CCBE1: variants seen among roughly 807,000 people sequenced by gnomAD.
CCBE1 encodes collagen and calcium binding EGF domains 1.
Under a neutral mutation model 50.0 loss-of-function variants are expected in CCBE1, and 37 were observed. The ratio of observed to expected loss-of-function variants is 0.74; its 90% CI spans 0.57 to 0.97. The LOEUF is 0.97. Ranked by LOEUF, CCBE1 falls within the 50% of genes least tolerant of loss-of-function variation. The pLI is 0.00. For synonymous variants in CCBE1, 234 were observed against 203.7 expected, an observed-to-expected ratio of 1.15 and a Z score of -1.27; for missense variants, 538 against 523.8, an observed-to-expected ratio of 1.03 and a Z score of -0.26.
At chr18:59,553,620 A>G (rs927892058) in intron 2 of CCBE1, among the ~76,000 whole-genome samples, 3 of 152,248 alleles carry the variant, frequency 2.0e-5, no homozygotes, top group African/African-American at 7.2e-5. Context: ...GAAGTTTTGT[A>G]CATGATCCAG....
intron 2 of CCBE1, among the ~76,000 whole-genome samples, chr18:59,646,221 G>A (rs1054866417): frequency 3.3e-5 from 5 of 152,134 alleles, no homozygotes; most frequent in Non-Finnish European, 7.4e-5. Context: ...AACTACGCAT[G>A]GAAAATTTAA....
rs1482315084 is a variant in CCBE1 at position 59,431,900 on chromosome 18, C to T, written c.*4008G>A. 1 of 152,214 alleles carries T rather than the reference C, an allele frequency of 6.6e-6. No individual in the cohort carries two copies. The highest frequency in any genetic ancestry group is 1.5e-5 in the Non-Finnish European group (1 of 68,068). The allele number at this position is 152,214 out of a possible 1,614,324, so 9.4% of individuals were successfully genotyped here. ...GGCACAGTATAGCTTATAATTTCTC[C>T]CTCTGGAACTGGGAAGGGAGGGGGG... On this transcript the variant is annotated 3_prime_UTR_variant, in exon 11 of 11. Coordinates refer to ENST00000439986, the MANE Select transcript of CCBE1 (RefSeq NM_133459.4).
chr18:59,477,627 T>C (rs140465268), intron 3 of CCBE1, among the ~76,000 whole-genome samples: 1 of 152,282 alleles, frequency 6.6e-6, no homozygotes, highest in East Asian at 1.9e-4. Flanking sequence ...TGTCATAAGA[T>C]GTAGTGACTT....
chr18:59,680,307 A>G (rs1224380662), intron 2 of CCBE1, among the ~76,000 whole-genome samples: 1 of 152,006 alleles, frequency 6.6e-6, no homozygotes, highest in Non-Finnish European at 1.5e-5. Context: ...TTTGAATAGA[A>G]TGGGAGGCAA....
At chr18:59,635,208 A>T (rs745575268) in intron 2 of CCBE1, among the ~76,000 whole-genome samples, 1 of 152,258 alleles carries the variant, frequency 6.6e-6, no homozygotes. Context: ...ATGAAATCAT[A>T]GCTTCGAAGT....
intron 2 of CCBE1, among the ~76,000 whole-genome samples, chr18:59,671,437 G>A (rs986784733): frequency 1.7e-4 from 26 of 151,584 alleles, no homozygotes; most frequent in African/African-American, 3.9e-4. Flanking sequence ...GGTCGAGGCT[G>A]CAGTGAGCCA....
intron 2 of CCBE1, chr18:59,696,325 T>C (rs1357564110): frequency 2.3e-5 from 12 of 512,160 alleles, no homozygotes; most frequent in African/African-American, 5.9e-5. Context: ...TATGCCCCAC[T>C]GTTTACACCC....
intron 2 of CCBE1, among the ~76,000 whole-genome samples, chr18:59,497,847 G>C (rs1913427655): frequency 6.6e-6 from 1 of 152,300 alleles, no homozygotes; most frequent in Non-Finnish European, 1.5e-5. Context: ...AAGACAGAGA[G>C]GGGTATCTCC....
At chr18:59,545,622 T>A (rs748275621) in intron 2 of CCBE1, among the ~76,000 whole-genome samples, 5 of 152,204 alleles carry the variant, frequency 3.3e-5, no homozygotes, top group African/African-American at 4.8e-5. Flanking sequence ...ATGATAAGGT[T>A]TGGCTGTGTC....
chr18:59,464,807 G>A (rs1911663870), intron 5 of CCBE1: 1 of 152,278 alleles, frequency 6.6e-6, no homozygotes, highest in Admixed American at 6.5e-5. Flanking sequence ...TGAAGCTTGG[G>A]CTACACCCAA....
chr18:59,506,743 G>T (rs1261520584), intron 2 of CCBE1, among the ~76,000 whole-genome samples: 1 of 152,242 alleles, frequency 6.6e-6, no homozygotes, highest in East Asian at 1.9e-4. Context: ...TCCTGGGGTG[G>T]AGAGGAGCAG....
intron 2 of CCBE1, among the ~76,000 whole-genome samples, chr18:59,510,679 C>T (rs1166782829): frequency 6.6e-6 from 1 of 152,210 alleles, no homozygotes; most frequent in Non-Finnish European, 1.5e-5. Flanking sequence ...GCCTCGGCCT[C>T]CCAAAGTGCT....
At chr18:59,542,173 C>CAAAAAAAA (rs55950963) in intron 2 of CCBE1, among the ~76,000 whole-genome samples, 3 of 134,932 alleles carry the variant, frequency 2.2e-5, no homozygotes, top group African/African-American at 5.5e-5. Flanking sequence ...GATCCTGTCT[C>CAAAAAAAA]AAAAAAAAAA....
At chr18:59,539,112 G>A (rs755364847) in intron 2 of CCBE1, among the ~76,000 whole-genome samples, 1 of 151,882 alleles carries the variant, frequency 6.6e-6, no homozygotes, top group Non-Finnish European at 1.5e-5. Context: ...AGAGGTCAAG[G>A]GTGCATGGAC....
At chr18:59,660,988 T>G (rs1309940553) in intron 2 of CCBE1, among the ~76,000 whole-genome samples, 1 of 146,384 alleles carries the variant, frequency 6.8e-6, no homozygotes, top group Admixed American at 6.8e-5. Context: ...TCAATGATCA[T>G]GGACTGGGAG....
chr18:59,498,953 A>G (rs1913483608), intron 2 of CCBE1, among the ~76,000 whole-genome samples: 1 of 152,228 alleles, frequency 6.6e-6, no homozygotes, highest in African/African-American at 2.4e-5. Context: ...TTTGGAGAGA[A>G]CAGTTTTTCC....
chr18:59,672,946 A>T (rs990073953), intron 2 of CCBE1, among the ~76,000 whole-genome samples: 4 of 152,122 alleles, frequency 2.6e-5, no homozygotes, highest in African/African-American at 9.7e-5. Flanking sequence ...CTCACAAATC[A>T]CCGCTAAAGA....
intron 2 of CCBE1, among the ~76,000 whole-genome samples, chr18:59,609,663 G>C (rs996973654): frequency 1.6e-4 from 24 of 152,144 alleles, no homozygotes; most frequent in African/African-American, 5.8e-4. Context: ...CTTTACTCAT[G>C]ATCAGTTTCA....
intron 6 of CCBE1, among the ~76,000 whole-genome samples, chr18:59,449,599 C>T (rs1277692429): frequency 7.0e-6 from 1 of 142,516 alleles, no homozygotes; most frequent in Non-Finnish European, 1.5e-5. Context: ...TCCACTCCAG[C>T]CTGGGCAACA....
Sources: allele counts gnomAD v4.1 joint callset (sites outside exome capture counted in the v4.1 genomes callset), GRCh38; gene constraint gnomAD v4.1.1; transcripts MANE v1.5; gene names NCBI Gene and HGNC (gene_info 2026-07-23, HGNC 2026-07-21).